NLGN4Y: variants seen among roughly 807,000 people sequenced by gnomAD.
The protein encoded by NLGN4Y is neuroligin-4, Y-linked.
NLGN4Y carries 4 observed loss-of-function variants against 8.4 expected under a neutral mutation model. The ratio of observed to expected loss-of-function variants is 0.48; its 90% confidence interval spans 0.23 to 1.09. The LOEUF (loss-of-function observed/expected upper bound fraction) is 1.09. Ranked by LOEUF, NLGN4Y falls within the 50% of genes least tolerant of loss-of-function variation. The pLI, the probability that NLGN4Y is intolerant of heterozygous loss-of-function variation, is 0.19. For missense variants in NLGN4Y, 90 were observed against 192.3 expected, an observed-to-expected ratio of 0.47 and a Z score of 3.15; for synonymous variants, 35 against 75.6, an observed-to-expected ratio of 0.46 and a Z score of 2.78.
At chrY:14,831,128 A>G (rs2043177912) in intron 6 of NLGN4Y, among the ~76,000 whole-genome samples, 2 of 33,255 alleles carry the variant, frequency 6.0e-5, no homozygotes. Context: ...CCTAGAAATC[A>G]TGGATTTATT....
At chrY:14,783,110 C>T in intron 4 of NLGN4Y, among the ~76,000 whole-genome samples, 1 of 33,742 alleles carries the variant, frequency 3.0e-5, no homozygotes, top group Non-Finnish European at 7.4e-5. Flanking sequence ...TAATACTTAA[C>T]ATAAAGTTCA....
intron 4 of NLGN4Y, among the ~76,000 whole-genome samples, chrY:14,725,700 A>G: frequency 3.0e-5 from 1 of 33,807 alleles, no homozygotes; most frequent in East Asian, 7.8e-4. Flanking sequence ...GTGGACTTTT[A>G]ATGAAATGAA....
chrY:14,550,065 G>A (rs575665137), intron 1 of NLGN4Y, among the ~76,000 whole-genome samples: 5 of 33,420 alleles, frequency 1.5e-4, no homozygotes, highest in African/African-American at 4.7e-4. Context: ...TGGCGTGTGC[G>A]TGCTTCCTGG....
At chrY:14,530,716 C>A (rs2080108432) in intron 1 of NLGN4Y, among the ~76,000 whole-genome samples, 2 of 33,759 alleles carry the variant, frequency 5.9e-5, no homozygotes, top group Admixed American at 5.3e-4. Flanking sequence ...AGATTCTCAC[C>A]TTTATTTCTC....
intron 1 of NLGN4Y, among the ~76,000 whole-genome samples, chrY:14,585,639 A>C: frequency 3.0e-5 from 1 of 33,492 alleles, no homozygotes; most frequent in Non-Finnish European, 7.4e-5. Context: ...ACAAGCTTGG[A>C]AGTCTCAATA....
At chrY:14,800,229 AGGAC>A (rs2043025911) in intron 4 of NLGN4Y, among the ~76,000 whole-genome samples, 1 of 33,158 alleles carries the variant, frequency 3.0e-5, no homozygotes, top group Non-Finnish European at 7.4e-5. Flanking sequence ...AATAGGACGC[AGGAC>A]CCAGGAATAC....
At chrY:14,673,522 G>A in intron 2 of NLGN4Y, among the ~76,000 whole-genome samples, 1 of 33,480 alleles carries the variant, frequency 3.0e-5, no homozygotes, top group East Asian at 8.0e-4. Context: ...TAAAACGTCA[G>A]GAAATAACAG....
chrY:14,675,237 T>C (rs1004328587), intron 2 of NLGN4Y, among the ~76,000 whole-genome samples: 1 of 33,308 alleles, frequency 3.0e-5, no homozygotes, highest in Non-Finnish European at 7.4e-5. Flanking sequence ...CTACCCTGAA[T>C]ACTGAAAACT....
chrY:14,543,115 C>T, intron 1 of NLGN4Y, among the ~76,000 whole-genome samples: 2 of 33,250 alleles, frequency 6.0e-5, no homozygotes, highest in Non-Finnish European at 1.5e-4. Context: ...ATATGTACCC[C>T]AGAATGTAGA....
intron 2 of NLGN4Y, among the ~76,000 whole-genome samples, chrY:14,655,402 C>G: frequency 1.3e-4 from 4 of 30,398 alleles, no homozygotes; most frequent in African/African-American, 5.2e-4. Flanking sequence ...AACACTTCTA[C>G]TTCCATCTTC....
upstream of NLGN4Y, chrY:14,523,422 G>A: frequency 1.2e-5 from 1 of 86,406 alleles, no homozygotes; most frequent in South Asian, 5.9e-5. Context: ...TATACACACA[G>A]ACATATATAT....
At chrY:14,677,379 G>A in intron 2 of NLGN4Y, among the ~76,000 whole-genome samples, 1 of 33,082 alleles carries the variant, frequency 3.0e-5, no homozygotes, top group Non-Finnish European at 7.5e-5. Flanking sequence ...CCTTGGGACA[G>A]CATAGAAGAC....
At chrY:14,661,212 C>T in intron 2 of NLGN4Y, among the ~76,000 whole-genome samples, 1 of 33,584 alleles carries the variant, frequency 3.0e-5, no homozygotes, top group Admixed American at 2.7e-4. Flanking sequence ...TGGCTGGAGG[C>T]CATTATCCTA....
intron 4 of NLGN4Y, among the ~76,000 whole-genome samples, chrY:14,751,040 A>G: frequency 3.0e-5 from 1 of 33,617 alleles, no homozygotes. Context: ...ACTTCATATT[A>G]CTTTCCGATG....
At chrY:14,834,756 G>C in intron 6 of NLGN4Y, among the ~76,000 whole-genome samples, 1 of 34,105 alleles carries the variant, frequency 2.9e-5, no homozygotes, top group African/African-American at 1.1e-4. Flanking sequence ...CTGGTCGTCA[G>C]GTGCAGAGAA....
chrY:14,645,534 G>GA (rs1289829854), intron 2 of NLGN4Y, among the ~76,000 whole-genome samples: 53 of 29,988 alleles, frequency 1.8e-3, no homozygotes, highest in Non-Finnish European at 1.6e-3. Context: ...AACAATTAGG[G>GA]AAAAAAAAAG....
chrY:14,670,850 G>C, intron 2 of NLGN4Y, among the ~76,000 whole-genome samples: 1 of 33,528 alleles, frequency 3.0e-5, no homozygotes, highest in Non-Finnish European at 7.4e-5. Flanking sequence ...ACAATTGTAT[G>C]CATAGACATA....
At chrY:14,630,381 C>G (rs2080544421) in intron 2 of NLGN4Y, among the ~76,000 whole-genome samples, 1 of 32,996 alleles carries the variant, frequency 3.0e-5, no homozygotes, top group Non-Finnish European at 7.4e-5. Flanking sequence ...TCTTCCTTAG[C>G]GCTTCCAGAA....
At position 14,589,578 on chromosome Y, in the gene NLGN4Y, A is replaced by G; in HGVS notation, c.-111-32431A>G. On this transcript the variant is annotated intron_variant, in intron 1 of 6. Transcript: ENST00000684976. ...ATATAAAGACTCTCCACGTCCTCACAAGAGCAGCTAGATACAGTGTCGATT... is the reference window on the plus strand; with the variant it reads ...ATATAAAGACTCTCCACGTCCTCACGAGAGCAGCTAGATACAGTGTCGATT... Among the ~76,000 whole-genome samples the G allele has an allele frequency of 1.1e-4, 3 of 28,277 alleles. No individual in the cohort carries two copies. In the South Asian group the frequency reaches 2.7e-3, roughly 26 times the overall value. 75.9% of individuals were successfully genotyped at this position (28,277 alleles called of 37,273 possible).
Sources: allele counts gnomAD v4.1 joint callset (sites outside exome capture counted in the v4.1 genomes callset), GRCh38; gene constraint gnomAD v4.1.1; transcripts MANE v1.5; gene names NCBI Gene and HGNC (gene_info 2026-07-23, HGNC 2026-07-21).